Variants in CFAP92 observed in about 807,000 individuals in gnomAD.
CFAP92 encodes the protein uncharacterized protein CFAP92.
A neutral mutation model predicts 106.3 loss-of-function variants in CFAP92; 86 were observed. The ratio of observed to expected loss-of-function variants is 0.81; its 90% confidence interval spans 0.68 to 0.97. The LOEUF (loss-of-function observed/expected upper bound fraction) is 0.97. CFAP92 is among the 50% of genes least tolerant of loss of function. The pLI is 0.00. For synonymous variants in CFAP92, 477 were observed against 506.4 expected (o/e 0.94, Z 0.78); for missense variants, 1,204 against 1,283.8 (o/e 0.94, Z 0.95).
At chr3:128,957,606 G>A (rs1476702941) in intron 9 of CFAP92, among the ~76,000 whole-genome samples, 1 of 152,024 alleles carries the variant, frequency 6.6e-6, no homozygotes, top group Non-Finnish European at 1.5e-5. Context: ...GGAACAGACA[G>A]AAAACAAAAA....
intron 12 of CFAP92, among the ~76,000 whole-genome samples, chr3:128,920,398 C>T (rs1937170248): frequency 6.6e-6 from 1 of 150,696 alleles, no homozygotes; most frequent in South Asian, 2.1e-4. Context: ...AGCAAGACTC[C>T]ATCTCAAGAA....
Position 128,971,294 on chromosome 3 carries a change from G to T in CFAP92, c.1161C>A (p.Leu387=). The change falls in exon 8 of 16, where the codon CTC becomes CTA. Residue 387 remains leucine (L), a synonymous_variant. Coordinates refer to ENST00000645291, the MANE Select transcript of CFAP92 (RefSeq NM_001394090.1). The part of the protein sequence containing the change: ...AFSIQLAVMP[L]LAGWQTVVSR... ...AGGGCAAGCAGTGGGTACCGGCAAG[G>T]AGCGGCATGACGGCCAGCTGGATGG... The T allele has an allele frequency of 6.2e-7, 1 of 1,613,816 alleles. No individual in the cohort carries two copies. The highest frequency in any genetic ancestry group is 1.1e-5 in the South Asian group (1 of 91,012).
At chr3:128,917,545 G>A (rs1936920973) in intron 12 of CFAP92, among the ~76,000 whole-genome samples, 1 of 152,116 alleles carries the variant, frequency 6.6e-6, no homozygotes, top group Admixed American at 6.6e-5. Context: ...AGTAAATACA[G>A]TATTTAAAAA....
intron 2 of CFAP92, among the ~76,000 whole-genome samples, chr3:128,992,360 G>A (rs1254888453): frequency 1.3e-5 from 2 of 152,006 alleles, no homozygotes; most frequent in African/African-American, 2.4e-5. Flanking sequence ...TCAGGGGTTC[G>A]AGACCATTCT....
chr3:129,014,457 C>T, the CFAP92 span, among the ~76,000 whole-genome samples: 1 of 152,234 alleles, frequency 6.6e-6, no homozygotes, highest in Non-Finnish European at 1.5e-5. The surrounding 1 kb of genome is among the most constrained non-coding windows in gnomAD (Gnocchi z 4.3). Context: ...TGTATCCTCG[C>T]GTGGTCTTCC....
chr3:128,978,389 A>C, intron 4 of CFAP92: 1 of 453,570 alleles, frequency 2.2e-6, no homozygotes, highest in Non-Finnish European at 3.8e-6. Flanking sequence ...TAAGTGTGCA[A>C]AAGCATTATA....
chr3:128,994,251 C>A, upstream of CFAP92: 1 of 592,636 alleles, frequency 1.7e-6, no homozygotes, highest in Non-Finnish European at 2.1e-6. Flanking sequence ...GTTCAGAAAC[C>A]AGCTGCCTTC....
chr3:128,948,477 G>A (rs60723493), intron 9 of CFAP92, among the ~76,000 whole-genome samples: 2 of 131,558 alleles, frequency 1.5e-5, no homozygotes, highest in Admixed American at 1.9e-4. Context: ...TCCTGCCTCA[G>A]CCTCCCAAAT....
At chr3:128,935,086 G>T in intron 11 of CFAP92, 39 bp downstream of exon 11, 1 of 1,456,166 alleles carries the variant, frequency 6.9e-7, no homozygotes, top group Non-Finnish European at 9.1e-7. Context: ...TGCCCCTCCC[G>T]CCGGGGCGCA....
chr3:128,972,265 G>A (rs1172136651), intron 7 of CFAP92, among the ~76,000 whole-genome samples: 3 of 150,120 alleles, frequency 2.0e-5, no homozygotes, highest in African/African-American at 7.4e-5. Context: ...TTTTTGAGAC[G>A]GAGTTTCACT....
At chr3:128,986,240 CTTTT>C (rs144649397) in intron 4 of CFAP92, among the ~76,000 whole-genome samples, 7 of 139,064 alleles carry the variant, frequency 5.0e-5, no homozygotes, top group African/African-American at 5.3e-5. Flanking sequence ...ATCTGTTTTA[CTTTT>C]TTTTTTTTTT....
rs556487186 is a variant in CFAP92, at chr3:128,958,770, G to A, written c.1353+6741C>T. 1.1e-3 allele frequency among the ~76,000 whole-genome samples: 162 copies of A among 151,866 alleles called. 1 individual carries two copies. The highest frequency in any genetic ancestry group is 3.8e-3 in the African/African-American group (158 of 41,390). On this transcript the variant is annotated intron_variant, in intron 9 of 15. Coordinates refer to ENST00000645291, the MANE Select transcript of CFAP92 (RefSeq NM_001394090.1). The stretch of plus-strand genomic sequence containing the variant: ...ACAAAAACTAGCTGGGTGTGGTGGC[G>A]TGTGCCTGCAGTCTCAGCTACTAGG...
chr3:128,961,004 A>G (rs1941864924), intron 9 of CFAP92, among the ~76,000 whole-genome samples: 1 of 151,848 alleles, frequency 6.6e-6, no homozygotes, highest in Non-Finnish European at 1.5e-5. Context: ...TCCACCCTCC[A>G]TTCCTCCTCC....
At chr3:128,917,921 G>C (rs1936951205) in intron 12 of CFAP92, among the ~76,000 whole-genome samples, 2 of 151,988 alleles carry the variant, frequency 1.3e-5, no homozygotes, top group African/African-American at 4.8e-5. Flanking sequence ...AAGCAATAAT[G>C]AATGTCAGAA....
At chr3:128,932,378 T>TACAC (rs112536236) in intron 12 of CFAP92, among the ~76,000 whole-genome samples, 8,340 of 147,568 alleles carry the variant, frequency 0.057, 231 homozygotes, top group Non-Finnish European at 0.065. Flanking sequence ...AGCAACATGT[T>TACAC]ACACACACAC....
upstream of CFAP92, among the ~76,000 whole-genome samples, chr3:128,995,978 G>A (rs1434166763): frequency 2.0e-5 from 3 of 152,220 alleles, no homozygotes; most frequent in Non-Finnish European, 4.4e-5. Flanking sequence ...AGACCTCTGT[G>A]ACTGGCTCAG....
At chr3:129,026,194 C>G in the CFAP92 span, among the ~76,000 whole-genome samples, 1 of 152,182 alleles carries the variant, frequency 6.6e-6, no homozygotes, top group African/African-American at 2.4e-5. Flanking sequence ...GGAAGCTGTG[C>G]CTGGAGCAGG....
At chr3:129,001,821 C>T (rs1457061492) in intron 1 of CFAP92, 14 of 1,545,500 alleles carry the variant, frequency 9.1e-6, no homozygotes, top group Non-Finnish European at 1.2e-5. Context: ...GGTCTTCCAC[C>T]ACCTGGACTG....
At chr3:129,021,577 A>AAAAC in the CFAP92 span, among the ~76,000 whole-genome samples, 94 of 152,230 alleles carry the variant, frequency 6.2e-4, no homozygotes, top group African/African-American at 2.2e-3. Flanking sequence ...TCCGTCTCAA[A>AAAAC]AAACAAACAA....
Sources: allele counts gnomAD v4.1 joint callset (sites outside exome capture counted in the v4.1 genomes callset), GRCh38; gene constraint gnomAD v4.1.1; non-coding constraint Gnocchi (gnomAD v3.1); transcripts MANE v1.5; gene names NCBI Gene and HGNC (gene_info 2026-07-23, HGNC 2026-07-21).